The following PTPN12 variants were observed in gnomAD, a reference collection of about 807,000 sequenced individuals.
PTPN12 encodes the protein protein tyrosine phosphatase non-receptor type 12.
In PTPN12, 29 loss-of-function variants were observed where a neutral mutation model predicts 97.6. That is an observed-to-expected ratio of 0.30 (90% CI 0.22 to 0.41). The LOEUF is 0.41. Among genes scored for constraint, PTPN12 ranks in the 10% least tolerant of loss-of-function variants. PTPN12 has a pLI of 1.00. For synonymous variants in PTPN12, 327 were observed against 300.4 expected (o/e 1.09, Z -0.91); for missense variants, 819 against 926.0 (o/e 0.88, Z 1.50).
At chr7:77,604,209 C>CATTTTTTTTTTTTTTTTTTTTTTTT (rs1554320981) in intron 8 of PTPN12, among the ~76,000 whole-genome samples, 1 of 52,790 alleles carries the variant, frequency 1.9e-5, no homozygotes. Flanking sequence ...TTTTTTCTTC[C>CATTTTTTTTTTTTTTTTTTTTTTTT]TTTTTTTTTT....
intron 12 of PTPN12, among the ~76,000 whole-genome samples, chr7:77,621,086 T>C (rs1158833834): frequency 6.6e-6 from 1 of 151,722 alleles, no homozygotes; most frequent in Non-Finnish European, 1.5e-5. Context: ...ATGTGTTGTG[T>C]GTATATTTCA....
intron 7 of PTPN12, among the ~76,000 whole-genome samples, chr7:77,598,821 A>T (rs1788101112): frequency 6.6e-6 from 1 of 150,642 alleles, no homozygotes; most frequent in African/African-American, 2.4e-5. Context: ...AATATATATA[A>T]TATATATTAT....
chr7:77,559,289 T>G (rs933403923), intron 1 of PTPN12, among the ~76,000 whole-genome samples: 4 of 152,264 alleles, frequency 2.6e-5, no homozygotes, highest in African/African-American at 9.6e-5. Context: ...TTGCCTCTTG[T>G]GCCTTTTTCT....
chr7:77,566,683 C>T (rs1272595149), intron 1 of PTPN12, among the ~76,000 whole-genome samples: 2 of 151,082 alleles, frequency 1.3e-5, no homozygotes, highest in Non-Finnish European at 3.0e-5. Context: ...GTGATTGCAC[C>T]ACTGCATTCC....
chr7:77,597,735 A>T, intron 6 of PTPN12, 107 bp from the exon 7 acceptor site: 1 of 1,323,770 alleles, frequency 7.6e-7, no homozygotes, highest in Non-Finnish European at 9.9e-7. Flanking sequence ...CTGGAATTTT[A>T]AAGATTAATT....
intron 3 of PTPN12, among the ~76,000 whole-genome samples, chr7:77,583,299 A>G (rs1047716071): frequency 3.3e-5 from 5 of 152,226 alleles, no homozygotes; most frequent in African/African-American, 1.2e-4. Context: ...ATAATTTTTA[A>G]TTAGCATAAG....
intron 1 of PTPN12, among the ~76,000 whole-genome samples, chr7:77,543,975 A>G (rs1175730221): frequency 6.6e-6 from 1 of 152,196 alleles, no homozygotes; most frequent in Non-Finnish European, 1.5e-5. Flanking sequence ...AGCTATGAAC[A>G]TTTGTGTACA....
chr7:77,576,967 G>C (rs1436741089), intron 2 of PTPN12, among the ~76,000 whole-genome samples: 1 of 152,202 alleles, frequency 6.6e-6, no homozygotes, highest in Non-Finnish European at 1.5e-5. Context: ...AGGCCTGGCT[G>C]ACCCCACAAT....
rs367710411 is a variant in PTPN12, at chr7:77,624,589, G to A, written c.1026-2116G>A. Among the ~76,000 whole-genome samples, 58 of 151,948 alleles carry A rather than the reference G, an allele frequency of 3.8e-4. 1 individual carries two copies. Among genetic ancestry groups the A allele is most frequent in the East Asian group, 1.8e-3 (9 of 5,016 alleles). ...TGAGTAGCTGGGATTACAGGCGCAC[G>A]CTACCATGCCTGACTAGGGTTTTGT... On this transcript the variant is annotated intron_variant, in intron 12 of 17. Transcript: ENST00000248594.
chr7:77,564,458 A>T (rs761540222), intron 1 of PTPN12, among the ~76,000 whole-genome samples: 16 of 152,102 alleles, frequency 1.1e-4, no homozygotes, highest in South Asian at 4.1e-4. Flanking sequence ...AACAATGGTT[A>T]TTGAATGTGA....
At position 77,565,323 on chromosome 7, in the gene PTPN12, A is replaced by G. The variant is rs181366692; in HGVS notation, c.100-5755A>G. ...TCTGTCTAAATGTATTTTCACTTCA[A>G]AGTCTCTTCAGTGAATATGAAGACA... is the stretch of plus-strand genomic sequence containing the variant. On this transcript the variant is annotated intron_variant, in intron 1 of 17. Transcript: ENST00000248594. Among the ~76,000 whole-genome samples the G allele has an allele frequency of 2.6e-4, 39 of 152,326 alleles. No homozygotes were observed. In the East Asian group the frequency reaches 7.1e-3, roughly 28 times the overall value.
At chr7:77,559,237 G>A (rs1807882256) in intron 1 of PTPN12, among the ~76,000 whole-genome samples, 2 of 152,202 alleles carry the variant, frequency 1.3e-5, no homozygotes. Context: ...AATTTCATTA[G>A]AAGAGGATTT....
intron 7 of PTPN12, among the ~76,000 whole-genome samples, chr7:77,598,766 G>C (rs1386005760): frequency 2.0e-5 from 3 of 150,684 alleles, no homozygotes; most frequent in Non-Finnish European, 4.4e-5. Flanking sequence ...TGGTAAAATG[G>C]GTTTGCTAGA....
At chr7:77,610,643 G>A in intron 9 of PTPN12, 122 bp from the exon 10 acceptor site, 1 of 993,116 alleles carries the variant, frequency 1.0e-6, no homozygotes, top group African/African-American at 1.6e-5. Context: ...TGCATTAAGT[G>A]GTGTTCAATA....
At chr7:77,539,626 TTGG>T in intron 1 of PTPN12, among the ~76,000 whole-genome samples, 1 of 152,046 alleles carries the variant, frequency 6.6e-6, no homozygotes, top group African/African-American at 2.4e-5. Flanking sequence ...GGTTGGTTGG[TTGG>T]TTTTTTTTTT....
chr7:77,600,922 G>A, intron 8 of PTPN12, 116 bp downstream of exon 8: 2 of 920,648 alleles, frequency 2.2e-6, no homozygotes, highest in South Asian at 1.8e-5. Flanking sequence ...TTGATACAAT[G>A]TTTGGGACTA....
intron 11 of PTPN12, among the ~76,000 whole-genome samples, chr7:77,613,663 T>C (rs1182484593): frequency 6.6e-6 from 1 of 151,424 alleles, no homozygotes; most frequent in South Asian, 2.1e-4. Context: ...AAGACCAGCC[T>C]GGGCAACATG....
At chr7:77,625,500 T>TCACTCTCGCTCTCACTCGCG (rs1789123469) in intron 12 of PTPN12, among the ~76,000 whole-genome samples, 1 of 105,970 alleles carries the variant, frequency 9.4e-6, no homozygotes, top group African/African-American at 3.8e-5. Context: ...TCTCTCTCTC[T>TCACTCTCGCTCTCACTCGCG]CTCTCTCTCT....
intron 2 of PTPN12, among the ~76,000 whole-genome samples, chr7:77,581,199 C>T (rs1275698200): frequency 6.6e-6 from 1 of 152,120 alleles, no homozygotes; most frequent in East Asian, 1.9e-4. Context: ...GCCACAGCCT[C>T]CCGAGTAGCT....
Sources: allele counts gnomAD v4.1 joint callset (sites outside exome capture counted in the v4.1 genomes callset), GRCh38; gene constraint gnomAD v4.1.1; transcripts MANE v1.5; gene names NCBI Gene and HGNC (gene_info 2026-07-23, HGNC 2026-07-21).